Variants in PITPNB observed in about 807,000 individuals in gnomAD.
PITPNB encodes the protein phosphatidylinositol transfer protein beta, also known as phosphatidylinositol transfer protein beta isoform.
Under a neutral mutation model 45.9 loss-of-function variants are expected in PITPNB, and 16 were observed. The observed-to-expected ratio is 0.35, with a 90% confidence interval of 0.24 to 0.53. The LOEUF is 0.53. Ranked by LOEUF, PITPNB falls within the 20% of genes least tolerant of loss-of-function variation. The pLI is 0.93. For missense variants in PITPNB, 188 were observed against 330.5 expected (o/e 0.57, Z 3.34); for synonymous variants, 112 against 108.9 (o/e 1.03, Z -0.18).
chr22:27,853,551 G>A lies in PITPNB; in HGVS notation c.*151C>T. On this transcript the variant is annotated 3_prime_UTR_variant, in exon 12 of 12. Transcript: ENST00000335272. ...TGGTTGAGAACCTGTGCATGTGTGT[G>A]TATCATCACAAGCACACATCTGGGA... 1 of 1,253,136 alleles carries A rather than the reference G, an allele frequency of 8.0e-7. No individual in the cohort carries two copies. Among genetic ancestry groups the A allele is most frequent in the South Asian group, 1.3e-5 (1 of 78,190 alleles). The allele number at this position is 1,253,136 out of a possible 1,614,324, so 77.6% of individuals were successfully genotyped here. A position where few individuals can be genotyped will look rare whatever the true frequency, so the allele number is the denominator to read the frequency against.
intron 3 of PITPNB, among the ~76,000 whole-genome samples, chr22:27,899,604 T>A (rs1935536091): frequency 6.6e-6 from 1 of 152,162 alleles, no homozygotes; most frequent in Non-Finnish European, 1.5e-5. Context: ...ATTACAGGCG[T>A]GAGCCACCGC....
chr22:27,906,379 G>GT (rs1301350563), intron 3 of PITPNB, among the ~76,000 whole-genome samples: 1 of 152,234 alleles, frequency 6.6e-6, no homozygotes, highest in Non-Finnish European at 1.5e-5. Flanking sequence ...TTCAGAGAAA[G>GT]TAAGAGATGG....
At chr22:27,910,406 T>C (rs1935887946) in intron 3 of PITPNB, 1 of 152,626 alleles carries the variant, frequency 6.6e-6, no homozygotes, top group South Asian at 2.1e-4. Flanking sequence ...AGAAACATTA[T>C]TTATAACAGA....
At chr22:27,887,647 A>G (rs1451385811) in intron 7 of PITPNB, among the ~76,000 whole-genome samples, 1 of 151,474 alleles carries the variant, frequency 6.6e-6, no homozygotes, top group Non-Finnish European at 1.5e-5. Context: ...TGGCCTATTC[A>G]TAGTTACTAA....
intron 8 of PITPNB, among the ~76,000 whole-genome samples, chr22:27,863,130 T>C (rs564879128): frequency 6.6e-5 from 10 of 152,340 alleles, no homozygotes; most frequent in Admixed American, 5.2e-4. Context: ...ATATGTAGAA[T>C]ATGGCACTTA....
At chr22:27,911,561 C>T (rs1302114053) in intron 2 of PITPNB, among the ~76,000 whole-genome samples, 1 of 152,180 alleles carries the variant, frequency 6.6e-6, no homozygotes, top group African/African-American at 2.4e-5. Flanking sequence ...GCATATTGCT[C>T]TTAATGATAA....
chr22:27,858,374 C>T lies in PITPNB; in HGVS notation c.768+13G>A, dbSNP rs2146346671. 6.3e-7 allele frequency: 1 copy of T among 1,591,028 alleles called. No homozygotes were observed. The highest frequency in any genetic ancestry group is 8.5e-7 in the Non-Finnish European group (1 of 1,169,600). ...GGAAAATTAGAGAATTGCCATAGAA[C>T]AGCCAGTCTTACTGTTTCTAGTTCT... On this transcript the variant is annotated intron_variant, in intron 10 of 11. Coordinates refer to ENST00000335272, the MANE Select transcript of PITPNB (RefSeq NM_012399.5).
chr22:27,873,243 G>A (rs1255890034), intron 8 of PITPNB, among the ~76,000 whole-genome samples: 1 of 152,148 alleles, frequency 6.6e-6, no homozygotes, highest in East Asian at 1.9e-4. Flanking sequence ...CCCCAGCCTG[G>A]GCAACAAGAG....
chr22:27,861,875 G>T (rs1934344568), intron 8 of PITPNB, among the ~76,000 whole-genome samples: 1 of 152,200 alleles, frequency 6.6e-6, no homozygotes, highest in Non-Finnish European at 1.5e-5. Flanking sequence ...TCTTTCCCTT[G>T]TTCTTTAATA....
intron 3 of PITPNB, 200 bp from the exon 4 acceptor site, chr22:27,898,092 T>C (rs970400020): frequency 4.2e-5 from 22 of 526,816 alleles, no homozygotes; most frequent in Non-Finnish European, 6.8e-5. Flanking sequence ...TTAAGAATAT[T>C]TAGCTGGGTA....
intron 1 of PITPNB, among the ~76,000 whole-genome samples, chr22:27,915,356 C>T (rs1379333343): frequency 6.6e-6 from 1 of 151,882 alleles, no homozygotes; most frequent in Non-Finnish European, 1.5e-5. Flanking sequence ...AGTCATTTAG[C>T]TTATTGTTTG....
rs140849524 is a variant in PITPNB, at chr22:27,878,649, T to C, written c.457-4834A>G. Among the ~76,000 whole-genome samples the C allele has an allele frequency of 5.9e-5, 9 of 152,318 alleles. No homozygotes were observed. In the East Asian group the frequency reaches 1.5e-3, roughly 26 times the overall value. On this transcript the variant is annotated intron_variant, in intron 7 of 11. Coordinates refer to ENST00000335272, the MANE Select transcript of PITPNB (RefSeq NM_012399.5). Reference sequence around the variant, plus strand: ...ACAGGGGCTGGGCTGAAGTTTATCTTTGCATGATCTATGAAAAAAAGATTT... The same window carrying C: ...ACAGGGGCTGGGCTGAAGTTTATCTCTGCATGATCTATGAAAAAAAGATTT...
chr22:27,871,522 G>A (rs900786344), intron 8 of PITPNB, among the ~76,000 whole-genome samples: 16 of 152,272 alleles, frequency 1.1e-4, no homozygotes, highest in African/African-American at 3.9e-4. Context: ...GCCACCATCT[G>A]GGCTGCTCTC....
chr22:27,900,798 T>C (rs1278219618), intron 3 of PITPNB, among the ~76,000 whole-genome samples: 1 of 152,222 alleles, frequency 6.6e-6, no homozygotes, highest in Non-Finnish European at 1.5e-5. Flanking sequence ...CCACCACAGT[T>C]ACCACTTAGC....
At chr22:27,869,284 T>C (rs913765844) in intron 8 of PITPNB, among the ~76,000 whole-genome samples, 45 of 152,204 alleles carry the variant, frequency 3.0e-4, no homozygotes, top group African/African-American at 1.1e-3. Context: ...ATTTTAAAAA[T>C]TCTTTCTTCA....
chr22:27,885,773 A>AT (rs1720558117), intron 7 of PITPNB, among the ~76,000 whole-genome samples: 1 of 152,216 alleles, frequency 6.6e-6, no homozygotes, highest in African/African-American at 2.4e-5. Flanking sequence ...TATTTGAACA[A>AT]TAAAAACTTC....
rs1934962212 is a variant in PITPNB at position 27,881,214 on chromosome 22, C to T, written c.457-7399G>A. ...AAGACCTTGACAACAGTCTGTTTCA[C>T]AGTAAAGGCAAGATGAGACAGGCGT... On this transcript the variant is annotated intron_variant, in intron 7 of 11. Transcript: ENST00000335272. Among the ~76,000 whole-genome samples, 6 of 152,278 alleles carry T rather than the reference C, an allele frequency of 3.9e-5. No homozygotes were observed. The South Asian group carries it at 1.2e-3, about 32-fold the overall frequency.
chr22:27,884,281 A>G (rs1935054828), intron 7 of PITPNB, among the ~76,000 whole-genome samples: 1 of 152,240 alleles, frequency 6.6e-6, no homozygotes, highest in African/African-American at 2.4e-5. Context: ...TTGGGTAAAT[A>G]TGACAGTGGA....
chr22:27,890,579 C>T (rs1935246644), intron 7 of PITPNB, among the ~76,000 whole-genome samples: 1 of 152,118 alleles, frequency 6.6e-6, no homozygotes, highest in African/African-American at 2.4e-5. Context: ...CTTTGGGAGG[C>T]TGAAGCAGGA....
Sources: allele counts gnomAD v4.1 joint callset (sites outside exome capture counted in the v4.1 genomes callset), GRCh38; gene constraint gnomAD v4.1.1; transcripts MANE v1.5; gene names NCBI Gene and HGNC (gene_info 2026-07-23, HGNC 2026-07-21).